Variants in CHD7 observed in about 807,000 individuals in gnomAD.
The protein encoded by CHD7 is ATP-dependent chromatin remodeler CHD7.
Under a neutral mutation model 307.3 loss-of-function variants are expected in CHD7, and 24 were observed. The observed-to-expected ratio is 0.08, with a 90% confidence interval of 0.06 to 0.11. The LOEUF (loss-of-function observed/expected upper bound fraction) is 0.11. Among genes scored for constraint, CHD7 ranks in the 10% least tolerant of loss-of-function variants. CHD7 has a pLI of 1.00. For missense variants in CHD7, 3,106 were observed against 3,727.1 expected, an observed-to-expected ratio of 0.83 and a Z score of 4.34; for synonymous variants, 1,363 against 1,349.9, an observed-to-expected ratio of 1.01 and a Z score of -0.21.
intron 1 of CHD7, among the ~76,000 whole-genome samples, chr8:60,713,572 GA>G: frequency 6.6e-6 from 1 of 152,282 alleles, no homozygotes; most frequent in East Asian, 1.9e-4. Context: ...AGCAATCCTA[GA>G]ATTCTGAAAT....
At chr8:60,729,640 G>GT (rs1808342064) in intron 1 of CHD7, among the ~76,000 whole-genome samples, 1 of 152,158 alleles carries the variant, frequency 6.6e-6, no homozygotes, top group Admixed American at 6.5e-5. Flanking sequence ...AACTGAGTAG[G>GT]TGCCTGGTTC....
chr8:60,862,846 C>T lies in CHD7; in HGVS notation c.8076+194C>T. Reference sequence around the variant, plus strand: ...AATCCAAAGTGAATTCATTTATCAGCTCCAATTTAAAAGGTTTGTATGGAA... The same window carrying T: ...AATCCAAAGTGAATTCATTTATCAGTTCCAATTTAAAAGGTTTGTATGGAA... On this transcript the variant is annotated intron_variant, in intron 37 of 37. Transcript: ENST00000423902. 7.5e-6 allele frequency: 4 copies of T among 531,584 alleles called. No homozygotes were observed. In the South Asian group the frequency reaches 9.1e-5, roughly 12 times the overall value. 32.9% of individuals were successfully genotyped at this position (531,584 alleles called of 1,614,324 possible). A position where few individuals can be genotyped will look rare whatever the true frequency, so the allele number is the denominator to read the frequency against.
Position 60,862,592 on chromosome 8 carries a change from G to T in CHD7, c.8016G>T (p.Trp2672Cys). 6.3e-7 allele frequency: 1 copy of T among 1,578,460 alleles called. No individual in the cohort carries two copies. Among genetic ancestry groups the T allele is most frequent in the Non-Finnish European group, 8.6e-7 (1 of 1,160,936 alleles). Residue 2672 changes from tryptophan (W) to cysteine (C), a missense_variant, in exon 37 of 38, where the codon TGG (tryptophan) becomes TGT (cysteine). Trp to Cys is a radical substitution (Grantham distance 215). Coordinates refer to ENST00000423902, the MANE Select transcript of CHD7 (RefSeq NM_017780.4). Reference sequence around the variant, plus strand: ...CTCCAATGAAGGATCTACCCAGGTGGCTGGAAGAAAATCCTGAATTTGCAG... The same window carrying T: ...CTCCAATGAAGGATCTACCCAGGTGTCTGGAAGAAAATCCTGAATTTGCAG... ...MAPPMKDLPR[W>C]LEENPEFAVA...
chr8:60,703,600 A>G (rs1244683712), intron 1 of CHD7, among the ~76,000 whole-genome samples: 5 of 152,244 alleles, frequency 3.3e-5, no homozygotes, highest in Admixed American at 3.3e-4. Context: ...TAGCCACATT[A>G]TAAAATTAAT....
chr8:60,747,006 A>C (rs1009488926), intron 2 of CHD7, among the ~76,000 whole-genome samples: 1 of 152,210 alleles, frequency 6.6e-6, no homozygotes, highest in African/African-American at 2.4e-5. Context: ...TGTGTTAGCT[A>C]TGTGAGTTAT....
rs375438732 is a variant in CHD7 at position 60,741,792 on chromosome 8, C to T, written c.360C>T (p.Gly120=). 7.5e-5 allele frequency: 121 copies of T among 1,613,844 alleles called. No homozygotes were observed. In the African/African-American group the frequency reaches 1.3e-3, roughly 18 times the overall value. The change falls in exon 2 of 38, where the codon GGC becomes GGT. Residue 120 remains glycine, a synonymous_variant. Coordinates refer to ENST00000423902, the MANE Select transcript of CHD7 (RefSeq NM_017780.4). The part of the protein sequence containing the change: ...VPQVPHGGSG[G]GQMGVYPGMQ... ...AGGTGCCCCATGGTGGCAGTGGTGG[C>T]GGTCAGATGGGTGTCTACCCTGGCA...
Position 60,838,027 on chromosome 8 carries a change from C to T in CHD7, c.4354-49C>T, listed in dbSNP as rs1804814723. The T allele has an allele frequency of 7.3e-6, 10 of 1,372,706 alleles. No homozygotes were observed. In the South Asian group the frequency reaches 8.3e-5, roughly 11 times the overall value. 85.0% of individuals were successfully genotyped at this position (1,372,706 alleles called of 1,614,324 possible). A position where few individuals can be genotyped will look rare whatever the true frequency, so the allele number is the denominator to read the frequency against. ...TGCAGCATTTGTTTAGTCTGCAAACCTCTTAATTTTAAATTATTTTGAGTA... is the reference window on the plus strand; with the variant it reads ...TGCAGCATTTGTTTAGTCTGCAAACTTCTTAATTTTAAATTATTTTGAGTA... On this transcript the variant is annotated intron_variant, in intron 18 of 37. Transcript: ENST00000423902.
At chr8:60,680,607 GA>G (rs1002558525) in intron 1 of CHD7, among the ~76,000 whole-genome samples, 2 of 152,166 alleles carry the variant, frequency 1.3e-5, no homozygotes, top group African/African-American at 4.8e-5. Context: ...GCGCCCCCGT[GA>G]AGCGAGCGGC....
At chr8:60,788,024 G>T (rs564247537) in intron 3 of CHD7, among the ~76,000 whole-genome samples, 1 of 151,822 alleles carries the variant, frequency 6.6e-6, no homozygotes, top group East Asian at 1.9e-4. Flanking sequence ...GTTTCACCAT[G>T]TTGGCCAGGT....
intron 1 of CHD7, among the ~76,000 whole-genome samples, chr8:60,699,326 A>G (rs1806641868): frequency 6.6e-6 from 1 of 152,150 alleles, no homozygotes; most frequent in Admixed American, 6.5e-5. Flanking sequence ...TGACAAGGGC[A>G]TATCTATTTT....
intron 1 of CHD7, among the ~76,000 whole-genome samples, chr8:60,725,242 CTTAAAGGAATG>C (rs1001152647): frequency 6.6e-6 from 1 of 152,110 alleles, no homozygotes; most frequent in African/African-American, 2.4e-5. Flanking sequence ...ATGGAGATGT[CTTAAAGGAATG>C]TTCGGTTATC....
intron 1 of CHD7, among the ~76,000 whole-genome samples, chr8:60,705,037 G>A (rs558915501): frequency 3.9e-5 from 6 of 152,284 alleles, no homozygotes; most frequent in African/African-American, 9.6e-5. Flanking sequence ...CATCTGCATA[G>A]GAGCTCTGAA....
chr8:60,751,047 T>G (rs903430053), intron 2 of CHD7, among the ~76,000 whole-genome samples: 18 of 152,184 alleles, frequency 1.2e-4, no homozygotes, highest in African/African-American at 4.3e-4. Context: ...ATTTCATTTG[T>G]TTGAGTTTCA....
intron 1 of CHD7, among the ~76,000 whole-genome samples, chr8:60,722,209 A>G (rs1055534436): frequency 7.2e-5 from 11 of 152,166 alleles, no homozygotes; most frequent in African/African-American, 2.2e-4. Context: ...CCTTTATTAC[A>G]GTATCTGTGG....
In CHD7 at chr8:60,836,855, A is replaced by G. The variant is rs778797882; in HGVS notation, c.4028A>G (p.Asn1343Ser). 4.3e-6 allele frequency: 7 copies of G among 1,613,834 alleles called. No individual in the cohort carries two copies. The highest frequency in any genetic ancestry group is 2.2e-5 in the East Asian group (1 of 44,880). ...AGGATCGACGGCCGAGTAAGAGGCA[A>G]CCTCCGCCAGGCAGCTATCGACAGA... ...YERIDGRVRG[N>S]LRQAAIDRFS... Residue 1343 changes from asparagine to serine, a missense_variant, in exon 17 of 38, where the codon AAC becomes AGC. Asn to Ser is a conservative substitution (Grantham distance 46). Transcript: ENST00000423902.
chr8:60,687,775 AT>A (rs1805985177), intron 1 of CHD7, among the ~76,000 whole-genome samples: 1 of 152,194 alleles, frequency 6.6e-6, no homozygotes, highest in Non-Finnish European at 1.5e-5. Context: ...CATTTTACAG[AT>A]GAGGAGACTA....
chr8:60,835,531 A>G (rs1381477586), intron 15 of CHD7, among the ~76,000 whole-genome samples: 2 of 152,158 alleles, frequency 1.3e-5, no homozygotes, highest in Admixed American at 6.5e-5. Context: ...TATTCCAGGA[A>G]ATTGTCCTGG....
intron 1 of CHD7, among the ~76,000 whole-genome samples, chr8:60,697,025 A>G (rs897604099): frequency 6.6e-6 from 1 of 152,142 alleles, no homozygotes; most frequent in Non-Finnish European, 1.5e-5. Context: ...TCTGAATTTG[A>G]TTAATATTAA....
intron 1 of CHD7, among the ~76,000 whole-genome samples, chr8:60,692,979 A>G (rs1461144285): frequency 2.0e-5 from 3 of 152,232 alleles, no homozygotes; most frequent in African/African-American, 7.2e-5. Context: ...CGAAGTCATC[A>G]TAACAACTCC....
Sources: gnomAD v4.1 joint callset for allele counts (sites outside exome capture counted in the v4.1 genomes callset) on GRCh38, gnomAD v4.1.1 for gene constraint, MANE v1.5 for transcripts, NCBI Gene and HGNC (gene_info 2026-07-23, HGNC 2026-07-21) for gene names.